HSPG2: variants seen among roughly 807,000 people sequenced by gnomAD.
HSPG2 encodes the protein heparan sulfate proteoglycan 2, also known as basement membrane-specific heparan sulfate proteoglycan core protein.
A neutral mutation model predicts 526.6 loss-of-function variants in HSPG2; 278 were observed. That is an observed-to-expected ratio of 0.53 (90% confidence interval 0.48 to 0.58). The LOEUF is 0.58. HSPG2 is among the 20% of genes least tolerant of loss of function. HSPG2 has a pLI of 0.00. For missense variants in HSPG2, 5,354 were observed against 6,099.5 expected (o/e 0.88, Z 4.07); for synonymous variants, 2,465 against 2,555.4 (o/e 0.96, Z 1.07).
At position 21,859,251 on chromosome 1, in the gene HSPG2, G is replaced by A. The variant is rs1022410098; in HGVS notation, c.5293+315C>T. On this transcript the variant is annotated intron_variant, in intron 42 of 96. Transcript: ENST00000374695. The surrounding 1 kb of genome is among the most constrained non-coding windows in gnomAD (Gnocchi z 5.3). ...TGTACTAGAGACAGGGTTTTACGAC[G>A]TTGGCCAGGCTGGTCTCGAACTCCT... Among the ~76,000 whole-genome samples, 32 of 152,030 alleles carry A rather than the reference G, an allele frequency of 2.1e-4. No individual in the cohort carries two copies. Among genetic ancestry groups the A allele is most frequent in the Admixed American group, 2.0e-3 (30 of 15,250 alleles).
At position 21,876,062 on chromosome 1, in the gene HSPG2, G is replaced by A. The variant is rs1160479436; in HGVS notation, c.3004-20C>T. The stretch of plus-strand genomic sequence containing the variant: ...GGTCACCTGGGACCAGGGTTAGACA[G>A]GAGCTTGCGGAGGCCTGAATTCGGG... On this transcript the variant is annotated intron_variant, in intron 23 of 96. Transcript: ENST00000374695. 4 of 1,613,176 alleles carry A rather than the reference G, an allele frequency of 2.5e-6. No homozygotes were observed. The highest frequency in any genetic ancestry group is 2.5e-6 in the Non-Finnish European group (3 of 1,179,540).
chr1:21,835,398 C>T (rs2098022408), intron 76 of HSPG2, 142 bp downstream of exon 76: 1 of 705,436 alleles, frequency 1.4e-6, no homozygotes, highest in Middle Eastern at 3.7e-4. Context: ...ATGCTAGACA[C>T]AAGCAAGGCA....
At chr1:21,914,212 TG>T (rs2152790931) in intron 1 of HSPG2, among the ~76,000 whole-genome samples, 1 of 152,218 alleles carries the variant, frequency 6.6e-6, no homozygotes, top group East Asian at 1.9e-4. Context: ...CAAATATACA[TG>T]TCAAATGGTG....
At position 21,872,256 on chromosome 1, in the gene HSPG2, A is replaced by C; in HGVS notation, c.4151T>G (p.Phe1384Cys). The change falls in exon 33 of 97, where the codon TTT becomes TGT. Residue 1384 changes from phenylalanine to cysteine, a missense_variant. Coordinates refer to ENST00000374695, the MANE Select transcript of HSPG2 (RefSeq NM_005529.7). This position sits in a 1 kb window ranked among gnomAD's most constrained non-coding sequence, Gnocchi z 5.5. ...ATGGCCGAGTTGGGCAAAGTTGCCA[A>C]AAGAGAGCTGGGCACCCTCGGGCAC... ...EPVPEGAQLS[F>C]GNFAQLGHES... is the part of the protein sequence containing the mutation. The C allele has an allele frequency of 1.3e-6, 2 of 1,554,340 alleles. No homozygotes were observed. Among genetic ancestry groups the C allele is most frequent in the Non-Finnish European group, 1.7e-6 (2 of 1,148,414 alleles).
Position 21,865,450 on chromosome 1 carries a change from T to A in HSPG2, c.4315-85A>T. The A allele has an allele frequency of 7.6e-7, 1 of 1,311,600 alleles. No homozygotes were observed. Among genetic ancestry groups the A allele is most frequent in the Non-Finnish European group, 1.1e-6 (1 of 908,552 alleles). The allele number at this position is 1,311,600 out of a possible 1,614,324, so 81.2% of individuals were successfully genotyped here. A position where few individuals can be genotyped will look rare whatever the true frequency, so the allele number is the denominator to read the frequency against. ...TCCTCCACCAGTCCTAGATTCTCTG[T>A]AACCCCCAGCCTCCCACCTCTCTGC... On this transcript the variant is annotated intron_variant, in intron 34 of 96. Coordinates refer to ENST00000374695, the MANE Select transcript of HSPG2 (RefSeq NM_005529.7). The surrounding 1 kb of genome is among the most constrained non-coding windows in gnomAD (Gnocchi z 5.4).
At chr1:21,880,936 T>A in intron 14 of HSPG2, 101 bp from the exon 15 acceptor site, 1 of 1,190,174 alleles carries the variant, frequency 8.4e-7, no homozygotes, top group Non-Finnish European at 1.2e-6. Context: ...TCACTCTGCC[T>A]ACCTGAGACT....
chr1:21,909,871 C>T (rs147545934), intron 1 of HSPG2, among the ~76,000 whole-genome samples: 2,447 of 152,346 alleles, frequency 0.016, 22 homozygotes, highest in Non-Finnish European at 0.027. Flanking sequence ...TGCACACATA[C>T]CTCTGGTGCA....
chr1:21,831,896 C>T, intron 81 of HSPG2, 100 bp from the exon 82 acceptor site: 2 of 1,282,416 alleles, frequency 1.6e-6, no homozygotes, highest in Non-Finnish European at 2.1e-6. Context: ...GGAGGGATGT[C>T]ACCACTTCCT....
chr1:21,880,807 T>G lies in HSPG2; in HGVS notation c.1847A>C (p.Tyr616Ser). ...ACGGGCCAACTCGTAGCGCACGTTG[T>G]AACGCAGGGAGCCGCCATAGGAGTC... The part of the protein sequence containing the change: ...KVDSYGGSLR[Y>S]NVRYELARGM... The change falls in exon 15 of 97, where the codon TAC (tyrosine) becomes TCC (serine). Residue 616 changes from tyrosine (Y) to serine (S), a missense_variant. By Grantham distance (144) the Tyr-to-Ser change is moderately radical. Transcript: ENST00000374695. 1 of 1,595,088 alleles carries G rather than the reference T, an allele frequency of 6.3e-7. No individual in the cohort carries two copies. The highest frequency in any genetic ancestry group is 8.5e-7 in the Non-Finnish European group (1 of 1,171,930).
chr1:21,875,869 G>C lies in HSPG2; in HGVS notation c.3177C>G (p.Phe1059Leu). ...AGGGGACAGTATTGCTCACCTCCCGGAAAGGCACAATGAAGGTGCTGGGCT... is the reference window on the plus strand; with the variant it reads ...AGGGGACAGTATTGCTCACCTCCCGCAAAGGCACAATGAAGGTGCTGGGCT... ...PGQPSTFIVPFREQAWQRPDG... is the reference protein window; with the variant it reads ...PGQPSTFIVPLREQAWQRPDG... The change falls in exon 24 of 97, where the codon TTC becomes TTG. Residue 1059 changes from phenylalanine to leucine, a missense_variant. Physicochemically the swap from Phe to Leu is conservative, Grantham distance 22. Transcript: ENST00000374695. The C allele has an allele frequency of 6.2e-7, 1 of 1,614,014 alleles. No individual in the cohort carries two copies. Among genetic ancestry groups the C allele is most frequent in the South Asian group, 1.1e-5 (1 of 91,088 alleles).
At chr1:21,832,254 C>CATGAATGA (rs527580898) in intron 81 of HSPG2, among the ~76,000 whole-genome samples, 2 of 148,890 alleles carry the variant, frequency 1.3e-5, no homozygotes, top group Non-Finnish European at 2.9e-5. Context: ...TGCATGCATG[C>CATGAATGA]ATGAATGAAT....
rs574206858 is a variant in HSPG2 at position 21,838,496 on chromosome 1, G to A, written c.10150+329C>T. ...CAATTAAGCCCAGGGCTGCTGAGAT[G>A]CCTGGGTCCAGGCCCTGCCCTGAGC... On this transcript the variant is annotated intron_variant, in intron 74 of 96. Transcript: ENST00000374695. 5.2e-5 allele frequency among the ~76,000 whole-genome samples: 8 copies of A among 152,392 alleles called. No individual in the cohort carries two copies. In the South Asian group the frequency reaches 1.7e-3, roughly 32 times the overall value.
At position 21,833,475 on chromosome 1, in the gene HSPG2, T is replaced by C. The variant is rs1210376619; in HGVS notation, c.10970A>G (p.Gln3657Arg). The C allele has an allele frequency of 1.4e-5, 22 of 1,614,174 alleles. No individual in the cohort carries two copies. Among genetic ancestry groups the C allele is most frequent in the Non-Finnish European group, 1.9e-5 (22 of 1,180,014 alleles). Reference sequence around the variant, plus strand: ...TAGGGGTGGTGTCTTACCTGGCACCTGCAGGTGGGCAAAGGCTTTGACCTT... The same window carrying C: ...TAGGGGTGGTGTCTTACCTGGCACCCGCAGGTGGGCAAAGGCTTTGACCTT... ...QGKVKAFAHL[Q>R]VPERVVPYFT... Residue 3657 changes from glutamine (Q) to arginine (R), a missense_variant, in exon 79 of 97, where the codon CAG (glutamine) becomes CGG (arginine). Transcript: ENST00000374695.
At chr1:21,829,332 G>A (rs2097991552) in intron 87 of HSPG2, 51 bp downstream of exon 87, 17 of 1,572,076 alleles carry the variant, frequency 1.1e-5, no homozygotes, top group Non-Finnish European at 1.5e-5. Context: ...AGAGCCGAGG[G>A]GGGCACAAGG....
At chr1:21,854,525 CG>C in intron 49 of HSPG2, 85 bp downstream of exon 49, 1 of 1,471,140 alleles carries the variant, frequency 6.8e-7, no homozygotes, top group Non-Finnish European at 9.2e-7. Flanking sequence ...GGCAGTGTGC[CG>C]CCTCCCCCGC....
intron 33 of HSPG2, among the ~76,000 whole-genome samples, chr1:21,866,036 CTT>C (rs942290592): frequency 1.3e-5 from 2 of 152,116 alleles, no homozygotes; most frequent in Non-Finnish European, 2.9e-5. Context: ...TGAGCAGCCT[CTT>C]TGCTCTGCAA....
Position 21,875,727 on chromosome 1 carries a change from A to G in HSPG2, c.3204T>C (p.Asp1068=), listed in dbSNP as rs1641008527. The change falls in exon 25 of 97, where the codon GAT becomes GAC. Residue 1068 remains aspartate, a synonymous_variant. Transcript: ENST00000374695. Reference sequence around the variant, plus strand: ...GGTGCTCCCGTGTGGCTGGCTGCCCATCGGGCCGCTGCCATGCTTGCTGCC... The same window carrying G: ...GGTGCTCCCGTGTGGCTGGCTGCCCGTCGGGCCGCTGCCATGCTTGCTGCC... ...PFREQAWQRP[D]GQPATREHLL... 1.2e-6 allele frequency: 2 copies of G among 1,604,880 alleles called. No individual in the cohort carries two copies. The highest frequency in any genetic ancestry group is 1.7e-5 in the Admixed American group (1 of 60,010).
At chr1:21,825,545 C>CA (rs2097969895) in intron 91 of HSPG2, among the ~76,000 whole-genome samples, 1 of 152,216 alleles carries the variant, frequency 6.6e-6, no homozygotes, top group Non-Finnish European at 1.5e-5. Context: ...CACACCCCCC[C>CA]AGCCCTATCT....
chr1:21,855,882 G>T lies in HSPG2; in HGVS notation c.5606C>A (p.Ser1869Tyr). 6.2e-7 allele frequency: 1 copy of T among 1,611,834 alleles called. No homozygotes were observed. The change falls in exon 45 of 97, where the codon TCC becomes TAC. Residue 1869 changes from serine (S) to tyrosine (Y), a missense_variant. Transcript: ENST00000374695. ...CACTGTGAGCTGTGGCGGATGGATG[G>T]AGACCACGGGGGCGGACAAGGTGCC... ...ASGTLSAPVV[S>Y]IHPPQLTVQP...
Sources: allele counts gnomAD v4.1 joint callset (sites outside exome capture counted in the v4.1 genomes callset), GRCh38; gene constraint gnomAD v4.1.1; non-coding constraint Gnocchi (gnomAD v3.1); transcripts MANE v1.5; gene names NCBI Gene and HGNC (gene_info 2026-07-23, HGNC 2026-07-21).